The following CLCA4 variants were observed in gnomAD, a reference collection of about 807,000 sequenced individuals.
The protein encoded by CLCA4 is chloride channel accessory 4, also known as calcium-activated chloride channel regulator 4.
CLCA4 carries 69 observed loss-of-function variants against 78.9 expected under a neutral mutation model. The observed-to-expected ratio is 0.87, with a 90% CI of 0.72 to 1.07. The LOEUF (loss-of-function observed/expected upper bound fraction) is 1.07. CLCA4 is among the 50% of genes least tolerant of loss of function. The pLI is 0.00. For missense variants in CLCA4, 1,133 were observed against 1,095.8 expected (o/e 1.03, Z -0.48); for synonymous variants, 362 against 375.8 (o/e 0.96, Z 0.42).
chr1:86,550,657 G>T (rs983455992), intron 1 of CLCA4, among the ~76,000 whole-genome samples: 2 of 151,616 alleles, frequency 1.3e-5, no homozygotes, highest in Non-Finnish European at 2.9e-5. Flanking sequence ...GGTAAGAATC[G>T]CTTCAACCAA....
At chr1:86,549,247 G>A (rs890352495) in intron 1 of CLCA4, among the ~76,000 whole-genome samples, 4 of 152,156 alleles carry the variant, frequency 2.6e-5, no homozygotes, top group Admixed American at 1.3e-4. Flanking sequence ...TGAGATGAGC[G>A]AGAGAAGAGC....
chr1:86,558,978 CTT>C (rs768275927), intron 1 of CLCA4, among the ~76,000 whole-genome samples: 3 of 148,922 alleles, frequency 2.0e-5, no homozygotes, highest in African/African-American at 4.9e-5. Context: ...CTTTAACACT[CTT>C]TTTTTTTTTT....
chr1:86,547,610 T>A (rs565796836), intron 1 of CLCA4, among the ~76,000 whole-genome samples: 10 of 152,316 alleles, frequency 6.6e-5, no homozygotes, highest in Admixed American at 1.3e-4. Flanking sequence ...CTTCTCTTCA[T>A]TTCCTTTCTC....
intron 13 of CLCA4, among the ~76,000 whole-genome samples, 165 bp downstream of exon 13, chr1:86,579,752 G>A (rs907271924): frequency 5.3e-5 from 8 of 151,956 alleles, no homozygotes; most frequent in African/African-American, 1.9e-4. Flanking sequence ...ACATTTTAAC[G>A]TGGTCCTACT....
rs374879055 is a variant in CLCA4, at chr1:86,565,397, T to C, written c.681T>C (p.Pro227=). 375 of 1,608,578 alleles carry C rather than the reference T, an allele frequency of 2.3e-4. 2 individuals are homozygous for C. Among genetic ancestry groups the C allele is most frequent in the Non-Finnish European group, 3.0e-4 (356 of 1,176,188 alleles). The change falls in exon 5 of 14, where the codon CCT becomes CCC. Residue 227 remains proline (P), a synonymous_variant. Transcript: ENST00000370563. The part of the protein sequence containing the change: ...KLYGKDCQFF[P]DKVQTEKASI... ...ATGGAAAAGATTGTCAATTCTTTCC[T>C]GATAAAGTACAAACAGAAAAAGCAT...
intron 1 of CLCA4, among the ~76,000 whole-genome samples, chr1:86,551,509 C>T (rs1649662104): frequency 6.6e-6 from 1 of 152,124 alleles, no homozygotes; most frequent in South Asian, 2.1e-4. Flanking sequence ...CAGCTCACTC[C>T]CTGAGGCAGC....
At chr1:86,577,680 T>TTATATA (rs755181113) in intron 11 of CLCA4, among the ~76,000 whole-genome samples, 7 of 152,058 alleles carry the variant, frequency 4.6e-5, no homozygotes, top group Non-Finnish European at 8.8e-5. Context: ...TATCAGTGTG[T>TTATATA]GTGTATGTAT....
At chr1:86,553,863 G>A (rs1209251104) in intron 1 of CLCA4, among the ~76,000 whole-genome samples, 1 of 152,120 alleles carries the variant, frequency 6.6e-6, no homozygotes, top group African/African-American at 2.4e-5. Context: ...TTGAACCCGG[G>A]AGGCGGAGGT....
At chr1:86,564,482 C>T (rs1650119663) in intron 4 of CLCA4, among the ~76,000 whole-genome samples, 1 of 152,110 alleles carries the variant, frequency 6.6e-6, no homozygotes, top group Non-Finnish European at 1.5e-5. Context: ...AGATGTACAA[C>T]TGCTGCTGCA....
intron 1 of CLCA4, among the ~76,000 whole-genome samples, chr1:86,556,717 A>G (rs1649857788): frequency 6.6e-6 from 1 of 152,174 alleles, no homozygotes; most frequent in East Asian, 1.9e-4. Flanking sequence ...GTTGGAGAGG[A>G]TCCCTCCCTC....
Position 86,566,029 on chromosome 1 carries a change from A to G in CLCA4, c.954+9A>G. 2.5e-6 allele frequency: 4 copies of G among 1,606,634 alleles called. No homozygotes were observed. The highest frequency in any genetic ancestry group is 3.4e-6 in the Non-Finnish European group (4 of 1,174,288). ...AGTCTGGAAGCATGGGGGTAAGATC[A>G]CTTTTTCTGGATATAGGGATGTAGG... On this transcript the variant is annotated intron_variant, in intron 6 of 13. Coordinates refer to ENST00000370563, the MANE Select transcript of CLCA4 (RefSeq NM_012128.4).
intron 12 of CLCA4, 100 bp from the exon 13 acceptor site, chr1:86,579,254 A>AT (rs982027764): frequency 5.6e-6 from 5 of 894,776 alleles, no homozygotes; most frequent in South Asian, 1.6e-5. Context: ...GACTGTATAT[A>AT]TTTTTTTAGA....
At chr1:86,573,100 A>T (rs2101814627) in intron 9 of CLCA4, 1 of 251,570 alleles carries the variant, frequency 4.0e-6, no homozygotes, top group South Asian at 4.5e-5. Context: ...TCTATGATAT[A>T]GATTTAGAAA....
Position 86,557,827 on chromosome 1 carries a change from T to C in CLCA4, c.160-2105T>C, listed in dbSNP as rs112021740. Among the ~76,000 whole-genome samples the C allele has an allele frequency of 3.2e-3, 480 of 152,266 alleles. 3 individuals carry two copies. The highest frequency in any genetic ancestry group is 0.011 in the African/African-American group (454 of 41,544). ...TTATTGAGTGGGAGTCTATGTCTCT[T>C]TTTACGTCTCTAAGAACTTGCTTTA... On this transcript the variant is annotated intron_variant, in intron 1 of 13. Transcript: ENST00000370563.
chr1:86,576,665 G>C (rs1359797102), intron 11 of CLCA4, among the ~76,000 whole-genome samples: 1 of 152,084 alleles, frequency 6.6e-6, no homozygotes, highest in Non-Finnish European at 1.5e-5. Context: ...GGCAGGAAAA[G>C]AAAGCAGGAG....
intron 3 of CLCA4, among the ~76,000 whole-genome samples, chr1:86,561,017 G>T (rs537202066): frequency 6.6e-6 from 1 of 152,256 alleles, no homozygotes; most frequent in South Asian, 2.1e-4. Flanking sequence ...CTATTAAATG[G>T]GAACCTTGCT....
At position 86,563,725 on chromosome 1, in the gene CLCA4, T is replaced by TA; in HGVS notation, c.513_514insA (p.Gln172ThrfsTer7). ...GAGTGTTTGATGAGTACAATGAAGA[T>TA]CAGCCTTTCTACCGTGCTAAGTCAA... On this transcript the variant is annotated frameshift_variant, in exon 4 of 14. Coordinates refer to ENST00000370563, the MANE Select transcript of CLCA4 (RefSeq NM_012128.4). LOFTEE classifies it high-confidence loss of function. The TA allele has an allele frequency of 6.2e-7, 1 of 1,610,890 alleles. No homozygotes were observed. The highest frequency in any genetic ancestry group is 8.5e-7 in the Non-Finnish European group (1 of 1,178,044).
intron 6 of CLCA4, among the ~76,000 whole-genome samples, chr1:86,567,097 A>C (rs1264201445): frequency 6.6e-6 from 1 of 151,918 alleles, no homozygotes; most frequent in East Asian, 1.9e-4. Context: ...AGGAGCTCCC[A>C]AGAGTAATTA....
At chr1:86,548,061 C>T (rs1359307433) in intron 1 of CLCA4, among the ~76,000 whole-genome samples, 2 of 152,160 alleles carry the variant, frequency 1.3e-5, no homozygotes, top group Non-Finnish European at 2.9e-5. Flanking sequence ...CTTACATTTT[C>T]ACCAATGGTA....
Sources: gnomAD v4.1 joint callset for allele counts (sites outside exome capture counted in the v4.1 genomes callset) on GRCh38, gnomAD v4.1.1 for gene constraint, MANE v1.5 for transcripts, NCBI Gene and HGNC (gene_info 2026-07-23, HGNC 2026-07-21) for gene names.